Variants in LRRC4C observed in about 807,000 individuals in gnomAD.
The protein encoded by LRRC4C is leucine rich repeat containing 4C, also known as leucine-rich repeat-containing protein 4C.
LRRC4C carries 5 observed loss-of-function variants against 33.6 expected under a neutral mutation model. That is an observed-to-expected ratio of 0.15 (90% CI 0.08 to 0.31). The LOEUF is 0.31. Among genes scored for constraint, LRRC4C ranks in the 10% least tolerant of loss-of-function variants. LRRC4C has a pLI of 1.00. For missense variants in LRRC4C, 560 were observed against 796.7 expected (o/e 0.70, Z 3.58); for synonymous variants, 329 against 302.0 (o/e 1.09, Z -0.93).
intron 1 of LRRC4C, among the ~76,000 whole-genome samples, chr11:41,186,023 G>C (rs1413394422): frequency 1.4e-4 from 21 of 151,936 alleles, no homozygotes; most frequent in Admixed American, 1.4e-3. Flanking sequence ...GGTAAATATA[G>C]TAAATAAACA....
chr11:41,088,987 C>G (rs1940205161), intron 1 of LRRC4C, among the ~76,000 whole-genome samples: 1 of 152,012 alleles, frequency 6.6e-6, no homozygotes, highest in Non-Finnish European at 1.5e-5. Flanking sequence ...GGCTACTTAC[C>G]AAAACAGTCT....
At chr11:40,151,997 G>C (rs926643690) in intron 5 of LRRC4C, among the ~76,000 whole-genome samples, 2 of 152,188 alleles carry the variant, frequency 1.3e-5, no homozygotes, top group Non-Finnish European at 2.9e-5. Flanking sequence ...GCAGCATCCA[G>C]AGGCTTGCAC....
intron 4 of LRRC4C, among the ~76,000 whole-genome samples, chr11:40,242,713 T>C (rs1415880329): frequency 6.6e-6 from 1 of 152,134 alleles, no homozygotes; most frequent in Non-Finnish European, 1.5e-5. Flanking sequence ...AGCTAGTGTC[T>C]GTACCTAAAT....
intron 1 of LRRC4C, among the ~76,000 whole-genome samples, chr11:41,325,573 T>TG (rs386373678): frequency 0.013 from 1,317 of 97,952 alleles, 16 homozygotes; most frequent in Middle Eastern, 0.028. Flanking sequence ...ATAGTTTTTT[T>TG]TTTTTGTGTG....
chr11:41,348,812 C>T (rs1388466995), intron 1 of LRRC4C, among the ~76,000 whole-genome samples: 1 of 152,124 alleles, frequency 6.6e-6, no homozygotes, highest in Non-Finnish European at 1.5e-5. Flanking sequence ...ACTATTACCA[C>T]AGACCTCCAA....
intron 3 of LRRC4C, among the ~76,000 whole-genome samples, chr11:40,599,963 C>A (rs550305006): frequency 6.6e-6 from 1 of 152,178 alleles, no homozygotes; most frequent in Non-Finnish European, 1.5e-5. Flanking sequence ...GGAATTTGAA[C>A]TCCTAGAATT....
intron 3 of LRRC4C, among the ~76,000 whole-genome samples, chr11:40,520,969 C>T (rs1171045668): frequency 2.6e-5 from 4 of 151,948 alleles, no homozygotes; most frequent in Non-Finnish European, 5.9e-5. Flanking sequence ...AGTATCATTT[C>T]CTTTTTAAAA....
chr11:40,190,575 T>C (rs1056735820), intron 5 of LRRC4C, among the ~76,000 whole-genome samples: 1 of 152,212 alleles, frequency 6.6e-6, no homozygotes, highest in Admixed American at 6.5e-5. Flanking sequence ...GTGTCATCAA[T>C]TAGAACATGA....
At chr11:40,167,685 C>T (rs1481144187) in intron 5 of LRRC4C, among the ~76,000 whole-genome samples, 2 of 151,946 alleles carry the variant, frequency 1.3e-5, no homozygotes, top group Non-Finnish European at 2.9e-5. Context: ...AAGCCTAGAG[C>T]TCTTTTGATA....
At chr11:40,876,260 G>GTTTTTTTTT (rs34351895) in intron 2 of LRRC4C, among the ~76,000 whole-genome samples, 8 of 91,312 alleles carry the variant, frequency 8.8e-5, no homozygotes, top group Admixed American at 1.5e-4. Flanking sequence ...CTCAGTTAGG[G>GTTTTTTTTT]TTTTTTTTTT....
chr11:40,282,149 G>A (rs1943520685), intron 4 of LRRC4C, among the ~76,000 whole-genome samples: 1 of 152,140 alleles, frequency 6.6e-6, no homozygotes. Flanking sequence ...GGGAGTTTGA[G>A]ATCAGCCTGG....
At chr11:40,913,671 A>T (rs1956800645) in intron 2 of LRRC4C, among the ~76,000 whole-genome samples, 1 of 152,218 alleles carries the variant, frequency 6.6e-6, no homozygotes, top group African/African-American at 2.4e-5. Context: ...TTCAAAAGCT[A>T]GCAAAAGGCA....
At chr11:41,105,306 G>C (rs193144067) in intron 1 of LRRC4C, among the ~76,000 whole-genome samples, 1 of 152,022 alleles carries the variant, frequency 6.6e-6, no homozygotes, top group East Asian at 1.9e-4. Flanking sequence ...TGCAGTCTAA[G>C]CATCATCCCA....
intron 4 of LRRC4C, among the ~76,000 whole-genome samples, chr11:40,254,254 T>C (rs77916958): frequency 0.03 from 4,496 of 152,308 alleles, 221 homozygotes; most frequent in African/African-American, 0.1. Context: ...TAAAATACCA[T>C]GTTAGCCATT....
chr11:40,537,288 A>G (rs776444079), intron 3 of LRRC4C, among the ~76,000 whole-genome samples: 7 of 152,150 alleles, frequency 4.6e-5, no homozygotes, highest in Non-Finnish European at 1.0e-4. Flanking sequence ...TGTGGTAAAT[A>G]CCACCTGATT....
At chr11:40,742,224 AT>A (rs1221235147) in intron 2 of LRRC4C, among the ~76,000 whole-genome samples, 1 of 151,940 alleles carries the variant, frequency 6.6e-6, no homozygotes, top group Non-Finnish European at 1.5e-5. Context: ...CATCATTGAG[AT>A]TTTTTTAAAT....
chr11:41,200,695 T>C (rs981983312), intron 1 of LRRC4C, among the ~76,000 whole-genome samples: 36 of 152,336 alleles, frequency 2.4e-4, no homozygotes, highest in Admixed American at 2.0e-3. Context: ...ATCGAGTTTA[T>C]CTGTGCTGAA....
At chr11:41,386,808 T>C (rs147058006) in intron 1 of LRRC4C, among the ~76,000 whole-genome samples, 1,586 of 151,894 alleles carry the variant, frequency 0.01, 29 homozygotes, top group African/African-American at 0.037. Context: ...TTCATGGTGC[T>C]GACAAAGTTT....
At chr11:41,380,500 C>A (rs1441524122) in intron 1 of LRRC4C, among the ~76,000 whole-genome samples, 1 of 151,856 alleles carries the variant, frequency 6.6e-6, no homozygotes. Context: ...CTGAAATTCA[C>A]AAATAAACTG....
Sources: allele counts gnomAD v4.1 joint callset (sites outside exome capture counted in the v4.1 genomes callset), GRCh38; gene constraint gnomAD v4.1.1; transcripts MANE v1.5; gene names NCBI Gene and HGNC (gene_info 2026-07-23, HGNC 2026-07-21).